Variants in PARD3B observed in about 807,000 individuals in gnomAD.
PARD3B encodes the protein partitioning defective 3 homolog B.
In PARD3B, 103 loss-of-function variants were observed where a neutral mutation model predicts 130.2. The observed-to-expected ratio is 0.79, with a 90% confidence interval of 0.67 to 0.93. The LOEUF (loss-of-function observed/expected upper bound fraction) is 0.93, where lower values mean the gene tolerates loss of function less well. Ranked by LOEUF, PARD3B falls within the 40% of genes least tolerant of loss-of-function variation. The pLI is 0.00. For synonymous variants in PARD3B, 583 were observed against 553.2 expected, an observed-to-expected ratio of 1.05 and a Z score of -0.76; for missense variants, 1,609 against 1,499.2, an observed-to-expected ratio of 1.07 and a Z score of -1.21.
chr2:205,446,597 C>A lies in PARD3B; in HGVS notation c.3044+5925C>A, dbSNP rs537583196. Among the ~76,000 whole-genome samples the A allele has an allele frequency of 6.6e-6, 1 of 151,968 alleles. No individual in the cohort carries two copies. Among genetic ancestry groups the A allele is most frequent in the Admixed American group, 6.6e-5 (1 of 15,266 alleles). On this transcript the variant is annotated intron_variant, in intron 20 of 22. Coordinates refer to ENST00000406610, the MANE Select transcript of PARD3B (RefSeq NM_001302769.2). The surrounding 1 kb of genome is among the most constrained non-coding windows in gnomAD (Gnocchi z 4.4). ...GCGACTTCGGTCTCATACCTACTTGCTTCTCAAAGGTTGGCCCTGAACCTT... is the reference window on the plus strand; with the variant it reads ...GCGACTTCGGTCTCATACCTACTTGATTCTCAAAGGTTGGCCCTGAACCTT...
intron 2 of PARD3B, among the ~76,000 whole-genome samples, chr2:204,858,487 A>G (rs1418094327): frequency 6.8e-6 from 1 of 147,456 alleles, no homozygotes; most frequent in Non-Finnish European, 1.5e-5. Flanking sequence ...GAACTCACTT[A>G]TATGTGGAAT....
intron 1 of PARD3B, among the ~76,000 whole-genome samples, chr2:204,584,638 C>A (rs1241668972): frequency 6.6e-6 from 1 of 152,104 alleles, no homozygotes; most frequent in African/African-American, 2.4e-5. Context: ...CCTAGACATT[C>A]TTATTTAAAT....
intron 4 of PARD3B, among the ~76,000 whole-genome samples, chr2:205,058,158 T>G (rs1459891827): frequency 1.3e-5 from 2 of 151,974 alleles, no homozygotes; most frequent in Non-Finnish European, 1.5e-5. Flanking sequence ...AGTAGAATCA[T>G]GCAGTATTTG....
chr2:204,945,397 GTAGTTTTATTGC>G (rs1689237982), intron 2 of PARD3B, among the ~76,000 whole-genome samples: 1 of 152,194 alleles, frequency 6.6e-6, no homozygotes, highest in Non-Finnish European at 1.5e-5. Context: ...GCTAGCTCGG[GTAGTTTTATTGC>G]TATGCAGAAC....
intron 2 of PARD3B, among the ~76,000 whole-genome samples, chr2:204,706,556 G>A (rs930073661): frequency 6.6e-5 from 10 of 152,070 alleles, no homozygotes; most frequent in African/African-American, 1.4e-4. Flanking sequence ...ATATGAAATA[G>A]CGTTTTTCTT....
intron 3 of PARD3B, among the ~76,000 whole-genome samples, chr2:204,999,824 G>C (rs1223595853): frequency 6.6e-6 from 1 of 152,180 alleles, no homozygotes; most frequent in East Asian, 1.9e-4. Flanking sequence ...ATATTTACCT[G>C]AACTTTTGGA....
At chr2:205,251,454 T>C (rs973787767) in intron 16 of PARD3B, among the ~76,000 whole-genome samples, 5 of 152,206 alleles carry the variant, frequency 3.3e-5, no homozygotes, top group African/African-American at 1.2e-4. Context: ...GCAATGTGTA[T>C]AAACCTCAAA....
At chr2:204,624,090 C>A (rs2034399146) in intron 1 of PARD3B, among the ~76,000 whole-genome samples, 1 of 152,048 alleles carries the variant, frequency 6.6e-6, no homozygotes, top group Non-Finnish European at 1.5e-5. Context: ...AGTGAAAAGG[C>A]AGCCTGGGGA....
intron 3 of PARD3B, among the ~76,000 whole-genome samples, chr2:204,990,333 G>T (rs1013240036): frequency 6.6e-6 from 1 of 151,664 alleles, no homozygotes; most frequent in African/African-American, 2.4e-5. Flanking sequence ...TGCATACAAT[G>T]CATAATGATC....
At chr2:205,296,657 T>TTG (rs1559632249) in intron 16 of PARD3B, among the ~76,000 whole-genome samples, 1 of 138,022 alleles carries the variant, frequency 7.2e-6, no homozygotes, top group Non-Finnish European at 1.5e-5. Flanking sequence ...TGGAGTGTGT[T>TTG]TGTGTATGTG....
chr2:205,520,631 A>C (rs892845821), intron 21 of PARD3B, among the ~76,000 whole-genome samples: 5 of 152,204 alleles, frequency 3.3e-5, no homozygotes, highest in Non-Finnish European at 7.3e-5. Context: ...ATTATTCATT[A>C]TCTGACCACC....
chr2:205,358,078 T>C (rs766442611), intron 18 of PARD3B, among the ~76,000 whole-genome samples: 2 of 152,204 alleles, frequency 1.3e-5, no homozygotes, highest in African/African-American at 2.4e-5. Context: ...TTAGCCCTTT[T>C]TGGTCCCTTA....
At chr2:204,666,857 A>AGTCCTAGCGGTAGATGAGCTTACT (rs2036047718) in intron 1 of PARD3B, among the ~76,000 whole-genome samples, 3 of 152,186 alleles carry the variant, frequency 2.0e-5, no homozygotes, top group Admixed American at 6.5e-5. Context: ...TCCAGGTTAA[A>AGTCCTAGCGGTAGATGAGCTTACT]GTCCTAGCGG....
intron 2 of PARD3B, among the ~76,000 whole-genome samples, chr2:204,898,227 G>A (rs931853800): frequency 3.2e-4 from 48 of 151,326 alleles, no homozygotes; most frequent in Admixed American, 5.3e-4. Flanking sequence ...TATTTATGGG[G>A]TACATGTTAT....
Position 205,263,902 on chromosome 2 carries a change from T to C in PARD3B, c.2185+18080T>C, listed in dbSNP as rs1018391588. ...GATAAGCAAAGGCACAAGTAGACTA[T>C]TTACTAGGTTATTTTAGACAAAGAG... is the stretch of plus-strand genomic sequence containing the variant. On this transcript the variant is annotated intron_variant, in intron 16 of 22. Coordinates refer to ENST00000406610, the MANE Select transcript of PARD3B (RefSeq NM_001302769.2). This position sits in a 1 kb window ranked among gnomAD's most constrained non-coding sequence, Gnocchi z 4.0. 6.6e-6 allele frequency among the ~76,000 whole-genome samples: 1 copy of C among 151,330 alleles called. No individual in the cohort carries two copies. Among genetic ancestry groups the C allele is most frequent in the South Asian group, 2.1e-4 (1 of 4,784 alleles).
chr2:205,330,003 A>G (rs1049274165), intron 18 of PARD3B, among the ~76,000 whole-genome samples: 2 of 19,826 alleles, frequency 1.0e-4, no homozygotes, highest in African/African-American at 4.7e-4. Flanking sequence ...CAAAATAAAT[A>G]AATAAATAAA....
intron 18 of PARD3B, among the ~76,000 whole-genome samples, chr2:205,383,139 G>GATAGATAA (rs1480539066): frequency 1.9e-4 from 25 of 129,868 alleles, no homozygotes; most frequent in Non-Finnish European, 3.0e-4. Flanking sequence ...TAGATAGATA[G>GATAGATAA]ATCGATCTAA....
intron 2 of PARD3B, among the ~76,000 whole-genome samples, chr2:204,694,450 A>G (rs561400491): frequency 6.6e-6 from 1 of 152,150 alleles, no homozygotes; most frequent in East Asian, 1.9e-4. Context: ...ATTGTTTAAA[A>G]TATTTTTTAG....
chr2:204,738,170 G>A (rs1452691958), intron 2 of PARD3B, among the ~76,000 whole-genome samples: 2 of 152,176 alleles, frequency 1.3e-5, no homozygotes, highest in South Asian at 4.1e-4. Flanking sequence ...AGGCAGTATG[G>A]TCATTTTCAC....
Sources: gnomAD v4.1 joint callset for allele counts (sites outside exome capture counted in the v4.1 genomes callset) on GRCh38, gnomAD v4.1.1 for gene constraint, Gnocchi (gnomAD v3.1) non-coding constraint, MANE v1.5 for transcripts, NCBI Gene and HGNC (gene_info 2026-07-23, HGNC 2026-07-21) for gene names.